The following GHRHR variants were observed in gnomAD, a reference collection of about 807,000 sequenced individuals.
The protein encoded by GHRHR is growth hormone-releasing hormone receptor.
GHRHR carries 40 observed loss-of-function variants against 58.3 expected under a neutral mutation model. That is an observed-to-expected ratio of 0.69 (90% CI 0.53 to 0.89). GHRHR has a LOEUF of 0.89. Among genes scored for constraint, GHRHR ranks in the 40% least tolerant of loss-of-function variants. The pLI is 0.00. For missense variants in GHRHR, 551 were observed against 541.3 expected (o/e 1.02, Z -0.18); for synonymous variants, 249 against 216.6 (o/e 1.15, Z -1.31).
At chr7:30,969,770 A>G in intron 3 of GHRHR, 97 bp from the exon 4 acceptor site, 1 of 1,221,842 alleles carries the variant, frequency 8.2e-7, no homozygotes, top group Non-Finnish European at 1.2e-6. Flanking sequence ...CTGTCCATGC[A>G]AACCCTGCCA....
intron 4 of GHRHR, among the ~76,000 whole-genome samples, chr7:30,970,241 G>A (rs1164450867): frequency 6.6e-6 from 1 of 152,180 alleles, no homozygotes; most frequent in African/African-American, 2.4e-5. Flanking sequence ...AGGCCTCCAG[G>A]GCAGGGAGCT....
rs763591390 is a variant in GHRHR at position 30,969,859 on chromosome 7, C to T, written c.269-8C>T. On this transcript the variant is annotated splice_region_variant and splice_polypyrimidine_tract_variant and intron_variant, in intron 3 of 12. Coordinates refer to ENST00000326139, the MANE Select transcript of GHRHR (RefSeq NM_000823.4). ...AGTTGTGGCTAGAGAGTCTTGCTTG[C>T]CTCCCAGGGGCTGTGAAACGGGATT... 22 of 1,613,494 alleles carry T rather than the reference C, an allele frequency of 1.4e-5. No individual in the cohort carries two copies. The highest frequency in any genetic ancestry group is 2.2e-5 in the East Asian group (1 of 44,886).
At chr7:30,967,266 T>C (rs1049591885) in intron 1 of GHRHR, among the ~76,000 whole-genome samples, 3 of 152,218 alleles carry the variant, frequency 2.0e-5, no homozygotes. Flanking sequence ...CCTGGAGAAC[T>C]TGTTAAAATA....
Position 30,969,869 on chromosome 7 carries a change from G to T in GHRHR, c.271G>T (p.Ala91Ser), listed in dbSNP as rs934536057. Reference sequence around the variant, plus strand: ...AGAGAGTCTTGCTTGCCTCCCAGGGGCTGTGAAACGGGATTGTACTATCAC... The same window carrying T: ...AGAGAGTCTTGCTTGCCTCCCAGGGTCTGTGAAACGGGATTGTACTATCAC... Reference protein sequence around the residue: ...FFSHFSSESGAVKRDCTITGW... With the variant: ...FFSHFSSESGSVKRDCTITGW... The change falls in exon 4 of 13, where the codon GCT becomes TCT. Residue 91 changes from alanine (A) to serine (S), a missense_variant and splice_region_variant. By Grantham distance (99) the Ala-to-Ser change is moderately conservative (BLOSUM62 1). Transcript: ENST00000326139. 6.2e-7 allele frequency: 1 copy of T among 1,613,690 alleles called. No homozygotes were observed. Among genetic ancestry groups the T allele is most frequent in the Non-Finnish European group, 8.5e-7 (1 of 1,179,552 alleles).
At chr7:30,973,371 A>C (rs536100181) in intron 6 of GHRHR, among the ~76,000 whole-genome samples, 1 of 152,322 alleles carries the variant, frequency 6.6e-6, no homozygotes, top group South Asian at 2.1e-4. Flanking sequence ...TGAATTTTTA[A>C]AACAGCTTGA....
intron 6 of GHRHR, among the ~76,000 whole-genome samples, chr7:30,972,374 T>C (rs899642769): frequency 2.0e-4 from 30 of 152,140 alleles, no homozygotes; most frequent in Non-Finnish European, 3.2e-4. Flanking sequence ...GCACAGCCTT[T>C]TCCTTTCCTT....
At chr7:30,966,016 T>C (rs1244286886) in intron 1 of GHRHR, among the ~76,000 whole-genome samples, 1 of 152,154 alleles carries the variant, frequency 6.6e-6, no homozygotes, top group African/African-American at 2.4e-5. Flanking sequence ...GTGGGTGACA[T>C]CTGCACCCTG....
At position 30,968,640 on chromosome 7, in the gene GHRHR, C is replaced by CCCTTCCTTCCTTCCTT. The variant is rs760999972; in HGVS notation, c.58-183_58-168dup. On this transcript the variant is annotated intron_variant, in intron 1 of 12. Coordinates refer to ENST00000326139, the MANE Select transcript of GHRHR (RefSeq NM_000823.4). ...TCCCTCCCTCCCTCCCTCCCTCCCT[C>CCCTTCCTTCCTTCCTT]CCTTCCTTCCTTCCTTCCTTCCTTC... 1.3e-3 allele frequency among the ~76,000 whole-genome samples: 110 copies of CCCTTCCTTCCTTCCTT among 81,866 alleles called. 3 individuals carry two copies. The East Asian group carries it at 0.024, about 18-fold the overall frequency. 53.7% of individuals were successfully genotyped at this position (81,866 alleles called of 152,430 possible).
At position 30,969,176 on chromosome 7, in the gene GHRHR, G is replaced by C; in HGVS notation, c.268+6G>C. 6.6e-7 allele frequency: 1 copy of C among 1,520,000 alleles called. No individual in the cohort carries two copies. The highest frequency in any genetic ancestry group is 2.4e-5 in the East Asian group (1 of 42,106). 94.2% of individuals were successfully genotyped at this position (1,520,000 alleles called of 1,614,324 possible). A position where few individuals can be genotyped will look rare whatever the true frequency, so the allele number is the denominator to read the frequency against. On this transcript the variant is annotated splice_donor_region_variant and intron_variant, in intron 3 of 12. Coordinates refer to ENST00000326139, the MANE Select transcript of GHRHR (RefSeq NM_000823.4). Reference sequence around the variant, plus strand: ...TCACTTCAGCTCAGAGTCAGGTGAGGGGTGCTGGGTGTGGCGGTGGGAAAG... The same window carrying C: ...TCACTTCAGCTCAGAGTCAGGTGAGCGGTGCTGGGTGTGGCGGTGGGAAAG...
chr7:30,973,236 G>T (rs771044635), intron 6 of GHRHR, among the ~76,000 whole-genome samples: 4 of 152,180 alleles, frequency 2.6e-5, no homozygotes, highest in Non-Finnish European at 4.4e-5. Flanking sequence ...AGTAGCCTGA[G>T]GGGGAGGAGG....
At position 30,971,136 on chromosome 7, in the gene GHRHR, A is replaced by C; in HGVS notation, c.384A>C (p.Thr128=). ...LLAEEESYFS[T]VKIIYTVGHS... ...CTTCCCAGGAATCTTACTTCTCCAC[A>C]GTGAAGATTATCTACACCGTGGGCC... Residue 128 remains threonine (T), a synonymous_variant, in exon 5 of 13, where the codon ACA becomes ACC. Coordinates refer to ENST00000326139, the MANE Select transcript of GHRHR (RefSeq NM_000823.4). The C allele has an allele frequency of 6.8e-7, 1 of 1,474,932 alleles. No individual in the cohort carries two copies. Among genetic ancestry groups the C allele is most frequent in the East Asian group, 2.4e-5 (1 of 40,992 alleles). 91.4% of individuals were successfully genotyped at this position (1,474,932 alleles called of 1,614,324 possible). A position where few individuals can be genotyped will look rare whatever the true frequency, so the allele number is the denominator to read the frequency against.
At chr7:30,972,430 G>A (rs890857659) in intron 6 of GHRHR, among the ~76,000 whole-genome samples, 3 of 151,954 alleles carry the variant, frequency 2.0e-5, no homozygotes, top group Admixed American at 6.6e-5. Flanking sequence ...GGGTGTGTAC[G>A]CAAGGGGCTG....
Position 30,964,001 on chromosome 7 carries a change from G to A in GHRHR, c.-68G>A. ...TGCGGTGGAAACGGCTGTGTCAGGG[G>A]ACAGCAGGGGAAGGAAGATAGCCAA... On this transcript the variant is annotated 5_prime_UTR_variant, in exon 1 of 13. Coordinates refer to ENST00000326139, the MANE Select transcript of GHRHR (RefSeq NM_000823.4). 1 of 1,400,100 alleles carries A rather than the reference G, an allele frequency of 7.1e-7. No homozygotes were observed. The allele number at this position is 1,400,100 out of a possible 1,614,324, so 86.7% of individuals were successfully genotyped here.
At chr7:30,971,825 G>T in intron 5 of GHRHR, 138 bp from the exon 6 acceptor site, 2 of 809,754 alleles carry the variant, frequency 2.5e-6, no homozygotes, top group East Asian at 4.9e-5. Flanking sequence ...GAAGCCTCAA[G>T]TTCAGCTCAA....
chr7:30,965,446 G>A (rs1792328596), intron 1 of GHRHR, among the ~76,000 whole-genome samples: 1 of 152,122 alleles, frequency 6.6e-6, no homozygotes, highest in Admixed American at 6.5e-5. Flanking sequence ...GGAGCCCCAG[G>A]ATGTGTTTCG....
rs2302021 is a variant in GHRHR, at chr7:30,964,024, C to T, written c.-45C>T. The T allele has an allele frequency of 0.034, 51,953 of 1,526,688 alleles. 2,333 individuals are homozygous for T. The highest frequency in any genetic ancestry group is 0.18 in the East Asian group (7,196 of 40,794). 94.6% of individuals were successfully genotyped at this position (1,526,688 alleles called of 1,614,324 possible). A position where few individuals can be genotyped will look rare whatever the true frequency, so the allele number is the denominator to read the frequency against. ...GGGACAGCAGGGGAAGGAAGATAGC[C>T]AAGGCTTACTGAGGCTGGTGGAGGG... On this transcript the variant is annotated 5_prime_UTR_variant, in exon 1 of 13. Transcript: ENST00000326139.
At chr7:30,966,270 C>T (rs577763232) in intron 1 of GHRHR, among the ~76,000 whole-genome samples, 1 of 152,204 alleles carries the variant, frequency 6.6e-6, no homozygotes, top group Non-Finnish European at 1.5e-5. Flanking sequence ...TCTCTACTCT[C>T]TGACCCCAGC....
In GHRHR at chr7:30,971,234, C is replaced by G. The variant is rs1397227545; in HGVS notation, c.464+18C>G. ...GCTCTCAGGTTTGTCATCCTCATCACCAGCTCAAGAACCTTCCTTGGCTCC... is the reference window on the plus strand; with the variant it reads ...GCTCTCAGGTTTGTCATCCTCATCAGCAGCTCAAGAACCTTCCTTGGCTCC... On this transcript the variant is annotated intron_variant, in intron 5 of 12. Transcript: ENST00000326139. 1 of 1,124,870 alleles carries G rather than the reference C, an allele frequency of 8.9e-7. No homozygotes were observed. Among genetic ancestry groups the G allele is most frequent in the Non-Finnish European group, 1.3e-6 (1 of 756,584 alleles). The allele number at this position is 1,124,870 out of a possible 1,614,324, so 69.7% of individuals were successfully genotyped here.
chr7:30,979,354 G>A lies in GHRHR; in HGVS notation c.*110G>A. 9.1e-7 allele frequency: 1 copy of A among 1,095,628 alleles called. No homozygotes were observed. Among genetic ancestry groups the A allele is most frequent in the Non-Finnish European group, 1.3e-6 (1 of 742,984 alleles). 67.9% of individuals were successfully genotyped at this position (1,095,628 alleles called of 1,614,324 possible). A position where few individuals can be genotyped will look rare whatever the true frequency, so the allele number is the denominator to read the frequency against. Reference sequence around the variant, plus strand: ...ACATCCCCACCCCAGCTGTTACCCAGCCCGGGGCAGGTGCAGCCCTTCCTC... The same window carrying A: ...ACATCCCCACCCCAGCTGTTACCCAACCCGGGGCAGGTGCAGCCCTTCCTC... On this transcript the variant is annotated 3_prime_UTR_variant, in exon 13 of 13. Coordinates refer to ENST00000326139, the MANE Select transcript of GHRHR (RefSeq NM_000823.4).
Sources: allele counts gnomAD v4.1 joint callset (sites outside exome capture counted in the v4.1 genomes callset), GRCh38; gene constraint gnomAD v4.1.1; transcripts MANE v1.5; gene names NCBI Gene and HGNC (gene_info 2026-07-23, HGNC 2026-07-21).